BBS9: variants seen among roughly 807,000 people sequenced by gnomAD.
BBS9 encodes the protein protein PTHB1.
In BBS9, 89 loss-of-function variants were observed where a neutral mutation model predicts 117.7. That is an observed-to-expected ratio of 0.76 (90% CI 0.64 to 0.90). BBS9 has a LOEUF of 0.90. BBS9 is among the 40% of genes least tolerant of loss of function. The probability of loss-of-function intolerance (pLI) is 0.00; values close to 1 mark genes in which losing one functional copy is unlikely to be tolerated. For missense variants in BBS9, 982 were observed against 1,042.2 expected (o/e 0.94, Z 0.80); for synonymous variants, 379 against 370.9 (o/e 1.02, Z -0.25).
intron 21 of BBS9, among the ~76,000 whole-genome samples, chr7:33,565,196 G>GACAT (rs1856663476): frequency 6.6e-6 from 1 of 152,086 alleles, no homozygotes; most frequent in Non-Finnish European, 1.5e-5. Flanking sequence ...ATTGTCTTCT[G>GACAT]TCCTTCCTAC....
chr7:33,294,290 C>CT (rs1554402348), intron 9 of BBS9, among the ~76,000 whole-genome samples: 6 of 141,208 alleles, frequency 4.2e-5, no homozygotes, highest in Non-Finnish European at 9.2e-5. Flanking sequence ...ATCTATCTAT[C>CT]ATCTATCTAT....
chr7:33,379,263 C>G (rs907656656), intron 17 of BBS9, among the ~76,000 whole-genome samples: 2 of 152,062 alleles, frequency 1.3e-5, no homozygotes, highest in Non-Finnish European at 2.9e-5. Context: ...ATATATGTGT[C>G]TTTTTACTTC....
intron 19 of BBS9, among the ~76,000 whole-genome samples, chr7:33,392,791 T>A (rs1827278459): frequency 6.6e-6 from 1 of 152,208 alleles, no homozygotes; most frequent in African/African-American, 2.4e-5. Context: ...AAAATCTTAT[T>A]CACTCATAAG....
At chr7:33,185,121 C>T (rs1189619732) in intron 5 of BBS9, among the ~76,000 whole-genome samples, 3 of 152,120 alleles carry the variant, frequency 2.0e-5, no homozygotes, top group African/African-American at 7.2e-5. Flanking sequence ...GTGAGGACAA[C>T]CAGAGGTCAC....
chr7:33,386,445 A>G (rs541687803), intron 18 of BBS9, among the ~76,000 whole-genome samples: 2 of 149,422 alleles, frequency 1.3e-5, no homozygotes, highest in East Asian at 4.0e-4. Context: ...GACTTTGACT[A>G]GCTTGCTTTC....
intron 19 of BBS9, among the ~76,000 whole-genome samples, chr7:33,492,868 G>T (rs984918206): frequency 2.0e-5 from 3 of 148,828 alleles, no homozygotes; most frequent in Non-Finnish European, 4.5e-5. Context: ...GTGTTGAAGG[G>T]TACAGTATGG....
At chr7:33,403,823 A>G (rs1166752680) in intron 19 of BBS9, among the ~76,000 whole-genome samples, 1 of 152,074 alleles carries the variant, frequency 6.6e-6, no homozygotes, top group South Asian at 2.1e-4. Flanking sequence ...TCCTTTGGGT[A>G]TATACCCAGT....
At chr7:33,317,100 T>C (rs1300986080) in intron 9 of BBS9, among the ~76,000 whole-genome samples, 1 of 152,220 alleles carries the variant, frequency 6.6e-6, no homozygotes, top group Non-Finnish European at 1.5e-5. Flanking sequence ...ACACTATTTA[T>C]TGAAAAGACT....
Position 33,623,172 on chromosome 7 carries a change from A to T in BBS9, c.2522-12005A>T, listed in dbSNP as rs564833913. On this transcript the variant is annotated intron_variant, in intron 21 of 21. Coordinates refer to the BBS9 transcript ENST00000671952. ...TATAACTGGCAAAGAATTAGTATTT[A>T]GAGTGTCTAAGGAACCTCCAGCAGT... Among the ~76,000 whole-genome samples the T allele has an allele frequency of 3.9e-5, 6 of 152,336 alleles. 1 individual carries two copies. The South Asian group carries it at 1.2e-3, about 32-fold the overall frequency.
At chr7:33,235,749 T>C (rs1022233058) in intron 5 of BBS9, among the ~76,000 whole-genome samples, 1 of 152,068 alleles carries the variant, frequency 6.6e-6, no homozygotes, top group Non-Finnish European at 1.5e-5. Context: ...GTCACTGAGG[T>C]AGTGGATACA....
chr7:33,563,266 G>A (rs1322357908), intron 21 of BBS9, among the ~76,000 whole-genome samples: 2 of 152,132 alleles, frequency 1.3e-5, no homozygotes, highest in Non-Finnish European at 1.5e-5. Flanking sequence ...AGACATCTAT[G>A]CATTTCACTT....
At position 33,576,753 on chromosome 7, in the gene BBS9, G is replaced by A. The variant is rs571859203; in HGVS notation, c.2522-28112G>A. On this transcript the variant is annotated intron_variant, in intron 21 of 22. Transcript: ENST00000242067. ...AACAGAGGCCTCAGAAATAACACCAGACATCTACAATCATCTGATCTTTGA... is the reference window on the plus strand; with the variant it reads ...AACAGAGGCCTCAGAAATAACACCAAACATCTACAATCATCTGATCTTTGA... Among the ~76,000 whole-genome samples, 11 of 152,080 alleles carry A rather than the reference G, an allele frequency of 7.2e-5. No individual in the cohort carries two copies. In the East Asian group the frequency reaches 7.8e-4, roughly 11 times the overall value.
chr7:33,527,737 C>G (rs1022404944), intron 20 of BBS9, among the ~76,000 whole-genome samples: 3 of 152,156 alleles, frequency 2.0e-5, no homozygotes, highest in Non-Finnish European at 4.4e-5. Context: ...AGCTGTAGAC[C>G]GGAGCTGTTT....
At chr7:33,186,077 A>C (rs1210464000) in intron 5 of BBS9, among the ~76,000 whole-genome samples, 1 of 152,244 alleles carries the variant, frequency 6.6e-6, no homozygotes, top group Non-Finnish European at 1.5e-5. Context: ...ATTATAACAG[A>C]TAACAGAATA....
At chr7:33,233,422 T>G (rs1792867873) in intron 5 of BBS9, among the ~76,000 whole-genome samples, 1 of 152,118 alleles carries the variant, frequency 6.6e-6, no homozygotes, top group African/African-American at 2.4e-5. Context: ...ATTATTAACT[T>G]TTTGCTGAGT....
intron 21 of BBS9, among the ~76,000 whole-genome samples, chr7:33,559,276 G>A (rs1855739621): frequency 6.6e-6 from 1 of 151,922 alleles, no homozygotes; most frequent in Non-Finnish European, 1.5e-5. Context: ...GAAACCGCAG[G>A]GTATTTGATG....
chr7:33,605,365 G>A lies in BBS9; in HGVS notation c.*139G>A. The A allele has an allele frequency of 1.1e-6, 1 of 889,082 alleles. No homozygotes were observed. Among genetic ancestry groups the A allele is most frequent in the Admixed American group, 1.9e-5 (1 of 53,660 alleles). 55.1% of individuals were successfully genotyped at this position (889,082 alleles called of 1,614,324 possible). On this transcript the variant is annotated 3_prime_UTR_variant, in exon 23 of 23. Coordinates refer to ENST00000242067, the MANE Select transcript of BBS9 (RefSeq NM_198428.3). ...TTCCTGGAGATGACATGCATAGAAA[G>A]AGGGGTTGGGACTTTTTACTTCACT...
chr7:33,384,331 A>G (rs1429453023), intron 18 of BBS9, among the ~76,000 whole-genome samples: 1 of 152,242 alleles, frequency 6.6e-6, no homozygotes, highest in Admixed American at 6.5e-5. Flanking sequence ...GAATGATTAC[A>G]TATATGAATA....
chr7:33,536,761 C>G (rs1318363982), intron 21 of BBS9, among the ~76,000 whole-genome samples: 1 of 129,258 alleles, frequency 7.7e-6, no homozygotes, highest in Non-Finnish European at 1.6e-5. Context: ...TAGTTTCACA[C>G]AGTCTCTTTT....
Sources: allele counts gnomAD v4.1 joint callset (sites outside exome capture counted in the v4.1 genomes callset), GRCh38; gene constraint gnomAD v4.1.1; transcripts MANE v1.5; gene names NCBI Gene and HGNC (gene_info 2026-07-23, HGNC 2026-07-21).